The following PCGF3 variants were observed in gnomAD, a reference collection of about 807,000 sequenced individuals.
PCGF3 encodes the protein polycomb group RING finger protein 3.
Under a neutral mutation model 33.1 loss-of-function variants are expected in PCGF3, and 7 were observed. The observed-to-expected ratio is 0.21, with a 90% CI of 0.12 to 0.40. The LOEUF (loss-of-function observed/expected upper bound fraction) is 0.40, where lower values mean the gene tolerates loss of function less well. PCGF3 is among the 10% of genes least tolerant of loss of function. The pLI is 1.00. For synonymous variants in PCGF3, 153 were observed against 121.3 expected, an observed-to-expected ratio of 1.26 and a Z score of -1.72; for missense variants, 211 against 313.3, an observed-to-expected ratio of 0.67 and a Z score of 2.46.
At chr4:713,878 C>G (rs997137691) in intron 1 of PCGF3, among the ~76,000 whole-genome samples, 1 of 152,116 alleles carries the variant, frequency 6.6e-6, no homozygotes, top group African/African-American at 2.4e-5. Flanking sequence ...CACGAGGGCT[C>G]ACCTTAAAAT....
In PCGF3 at chr4:753,429, C is replaced by T. The variant is rs535656273; in HGVS notation, c.463-7850C>T. ...CAGCATATTGGGAGGCCGAGGCAGG[C>T]GGATCACAAGGTCAGGAGATCAAGA... On this transcript the variant is annotated intron_variant, in intron 8 of 10. Transcript: ENST00000362003. Among the ~76,000 whole-genome samples, 15 of 152,208 alleles carry T rather than the reference C, an allele frequency of 9.9e-5. No homozygotes were observed. The South Asian group carries it at 1.2e-3, about 13-fold the overall frequency.
chr4:714,527 C>G (rs1439548711), intron 1 of PCGF3, among the ~76,000 whole-genome samples: 2 of 152,230 alleles, frequency 1.3e-5, no homozygotes, highest in Non-Finnish European at 1.5e-5. Flanking sequence ...GCCGCCTTAC[C>G]TCTTCCCAGC....
At chr4:754,264 T>G (rs1385954509) in intron 8 of PCGF3, among the ~76,000 whole-genome samples, 2 of 152,156 alleles carry the variant, frequency 1.3e-5, no homozygotes, top group South Asian at 4.2e-4. Context: ...GAGCTGGAAA[T>G]GTGGTTTGTT....
At chr4:754,074 T>C (rs1744657473) in intron 8 of PCGF3, among the ~76,000 whole-genome samples, 1 of 152,140 alleles carries the variant, frequency 6.6e-6, no homozygotes, top group African/African-American at 2.4e-5. Context: ...AGGGCTGGTG[T>C]GGTCTCTGCT....
intron 8 of PCGF3, among the ~76,000 whole-genome samples, chr4:751,804 C>T (rs1029375980): frequency 6.6e-6 from 1 of 152,022 alleles, no homozygotes; most frequent in South Asian, 2.1e-4. Context: ...GCAGCCAACT[C>T]AGAGCAGCCG....
chr4:715,981 G>T (rs1435898232), intron 1 of PCGF3, among the ~76,000 whole-genome samples: 4 of 97,622 alleles, frequency 4.1e-5, no homozygotes, highest in African/African-American at 1.3e-4. Flanking sequence ...TGAAGACACT[G>T]AGTGTGAGAA....
intron 9 of PCGF3, chr4:762,821 C>A (rs1438477066): frequency 6.6e-6 from 1 of 152,238 alleles, no homozygotes; most frequent in African/African-American, 2.4e-5. Context: ...GTGATAATTT[C>A]CACGGCAGCC....
At chr4:758,699 T>C (rs76170876) in intron 8 of PCGF3, among the ~76,000 whole-genome samples, 1,220 of 26,790 alleles carry the variant, frequency 0.046, 4 homozygotes, top group Middle Eastern at 0.083. Flanking sequence ...CTCTCCCGAG[T>C]TCTTCTCCTT....
rs753421702 is a variant in PCGF3, at chr4:765,083, T to G, written c.681+19T>G. On this transcript the variant is annotated intron_variant, in intron 10 of 10. Transcript: ENST00000362003. The stretch of plus-strand genomic sequence containing the variant: ...ATTCAAGGTGAGACACGTGATTTGA[T>G]TTTCAGAGTCTGCTCTGAATGGCAG... 2 of 1,562,880 alleles carry G rather than the reference T, an allele frequency of 1.3e-6. No individual in the cohort carries two copies. The highest frequency in any genetic ancestry group is 1.8e-6 in the Non-Finnish European group (2 of 1,133,432).
rs368884431 is a variant in PCGF3, at chr4:715,301, G to A, written c.-190+9331G>A. Among the ~76,000 whole-genome samples the A allele has an allele frequency of 2.9e-5, 4 of 139,852 alleles. No homozygotes were observed. In the South Asian group the frequency reaches 9.8e-4, roughly 34 times the overall value. 91.7% of individuals were successfully genotyped at this position (139,852 alleles called of 152,430 possible). ...ACACTCAATGTGAGAACTGGGAGTC[G>A]GTGCTGGGACCCTGTAGACACTGAG... On this transcript the variant is annotated intron_variant, in intron 1 of 10. Coordinates refer to ENST00000362003, the Ensembl canonical transcript of PCGF3.
chr4:721,769 A>G lies in PCGF3; in HGVS notation c.-189-8861A>G, dbSNP rs1224621238. Among the ~76,000 whole-genome samples the G allele has an allele frequency of 7.1e-4, 54 of 76,504 alleles. No homozygotes were observed. The highest frequency in any genetic ancestry group is 1.8e-3 in the African/African-American group (46 of 25,134). 50.2% of individuals were successfully genotyped at this position (76,504 alleles called of 152,430 possible). On this transcript the variant is annotated intron_variant, in intron 1 of 10. Transcript: ENST00000362003. The surrounding 1 kb of genome is among the most constrained non-coding windows in gnomAD (Gnocchi z 4.1). ...ATGGGGAGGGGCCTGTGGGAGGTGG[A>G]TGGGTTGGGTGGCTCTGTGTATGGG...
chr4:735,830 A>C (rs1052524161), intron 5 of PCGF3, among the ~76,000 whole-genome samples: 9 of 152,004 alleles, frequency 5.9e-5, no homozygotes, highest in Admixed American at 1.3e-4. Context: ...GGAGAAGGCA[A>C]CTCTTGCCTG....
At chr4:763,552 G>A (rs565538959) in intron 9 of PCGF3, among the ~76,000 whole-genome samples, 140 of 152,346 alleles carry the variant, frequency 9.2e-4, no homozygotes, top group African/African-American at 3.2e-3. Context: ...CCATAGAAGG[G>A]CCAGAATCCC....
At chr4:734,243 T>A in intron 4 of PCGF3, 1 of 1,492,896 alleles carries the variant, frequency 6.7e-7, no homozygotes, top group Non-Finnish European at 9.0e-7. Flanking sequence ...TTTTTCTAAG[T>A]GTGGCTACCG....
At chr4:744,574 G>T in intron 7 of PCGF3, 26 bp from the exon 8 acceptor site, 8 of 1,509,614 alleles carry the variant, frequency 5.3e-6, no homozygotes, top group Non-Finnish European at 6.3e-6. Flanking sequence ...ATTTCATGGT[G>T]CGCTATGTTC....
At chr4:730,478 A>G (rs896867153) in intron 1 of PCGF3, among the ~76,000 whole-genome samples, 152 bp from the exon 2 acceptor site, 21 of 151,912 alleles carry the variant, frequency 1.4e-4, no homozygotes, top group African/African-American at 5.1e-4. Flanking sequence ...TCTCCCGGGT[A>G]GAGCCTGTTC....
At chr4:706,989 C>T (rs558960607) in intron 1 of PCGF3, among the ~76,000 whole-genome samples, 1 of 151,048 alleles carries the variant, frequency 6.6e-6, no homozygotes, top group African/African-American at 2.4e-5. Context: ...CAGGCAGGAC[C>T]CTGGGAAGGT....
chr4:716,698 G>A (rs141277478), intron 1 of PCGF3, among the ~76,000 whole-genome samples: 1,834 of 141,136 alleles, frequency 0.013, 58 homozygotes, highest in Non-Finnish European at 0.02. Context: ...AGAACTGGGC[G>A]TCGGTGCTGG....
At chr4:713,420 G>A (rs28497603) in intron 1 of PCGF3, among the ~76,000 whole-genome samples, 17 of 142,256 alleles carry the variant, frequency 1.2e-4, no homozygotes, top group East Asian at 2.1e-4. Flanking sequence ...CTGTGGCCTC[G>A]TGGGGGCTGT....
Sources: allele counts gnomAD v4.1 joint callset (sites outside exome capture counted in the v4.1 genomes callset), GRCh38; gene constraint gnomAD v4.1.1; non-coding constraint Gnocchi (gnomAD v3.1); transcripts MANE v1.5; gene names NCBI Gene and HGNC (gene_info 2026-07-23, HGNC 2026-07-21).